Variants in ABRAXAS1 observed in about 807,000 individuals in gnomAD.
ABRAXAS1 encodes BRCA1-A complex subunit Abraxas 1.
In ABRAXAS1, 26 loss-of-function variants were observed where a neutral mutation model predicts 38.4. That is an observed-to-expected ratio of 0.68 (90% CI 0.50 to 0.94). The LOEUF is 0.94. ABRAXAS1 is among the 40% of genes least tolerant of loss of function. The pLI, the probability that ABRAXAS1 is intolerant of heterozygous loss-of-function variation, is 0.00. For synonymous variants in ABRAXAS1, 144 were observed against 165.5 expected, an observed-to-expected ratio of 0.87 and a Z score of 1.00; for missense variants, 438 against 481.9, an observed-to-expected ratio of 0.91 and a Z score of 0.85.
At chr4:83,477,321 G>T (rs1378957993) in intron 2 of ABRAXAS1, among the ~76,000 whole-genome samples, 1 of 152,036 alleles carries the variant, frequency 6.6e-6, no homozygotes, top group South Asian at 2.1e-4. Flanking sequence ...TGCTCTAAGG[G>T]CTTGCTTTTA....
In ABRAXAS1 at chr4:83,461,817, T is replaced by C. The variant is rs1332207161; in HGVS notation, c.*652A>G. 1 of 228,592 alleles carries C rather than the reference T, an allele frequency of 4.4e-6. No homozygotes were observed. Among genetic ancestry groups the C allele is most frequent in the Non-Finnish European group, 8.7e-6 (1 of 115,390 alleles). 14.2% of individuals were successfully genotyped at this position (228,592 alleles called of 1,614,324 possible). On this transcript the variant is annotated 3_prime_UTR_variant, in exon 9 of 9. Transcript: ENST00000321945. ...CTCTAAACTAGGGGAGAGATTACTG[T>C]TTGTGTTGTGTTATAGTTGTGTAAT...
rs929535841 is a variant in ABRAXAS1, at chr4:83,475,329, C to T, written c.215+1314G>A. Among the ~76,000 whole-genome samples, 5 of 152,192 alleles carry T rather than the reference C, an allele frequency of 3.3e-5. No homozygotes were observed. The South Asian group carries it at 6.2e-4, about 19-fold the overall frequency. On this transcript the variant is annotated intron_variant, in intron 3 of 8. Transcript: ENST00000321945. ...GCAGTTTAAAAGACCACACTAAGCT[C>T]CTTTTTTCTGTTCTCCTCCTACAGT...
At chr4:83,476,058 G>T (rs748496673) in intron 3 of ABRAXAS1, among the ~76,000 whole-genome samples, 1 of 152,130 alleles carries the variant, frequency 6.6e-6, no homozygotes, top group Non-Finnish European at 1.5e-5. Context: ...AAAATTAGCT[G>T]GGTGTGGTGG....
chr4:83,479,164 A>C (rs1722889707), intron 2 of ABRAXAS1: 3 of 152,196 alleles, frequency 2.0e-5, no homozygotes, highest in Non-Finnish European at 2.9e-5. Context: ...GCACTTTGGG[A>C]GGCCAGGGCG....
intron 4 of ABRAXAS1, among the ~76,000 whole-genome samples, chr4:83,471,189 A>ATTTTTTTTTTTTT (rs1560575138): frequency 2.4e-5 from 3 of 124,104 alleles, no homozygotes; most frequent in South Asian, 2.4e-4. Flanking sequence ...TGAAAGAAAC[A>ATTTTTTTTTTTTT]TCTTTTTTTT....
At chr4:83,478,003 C>A (rs566688736) in intron 2 of ABRAXAS1, 1 of 963,634 alleles carries the variant, frequency 1.0e-6, no homozygotes, top group Non-Finnish European at 1.7e-6. Flanking sequence ...GCAGCTTCAT[C>A]GATATATACC....
At chr4:83,478,029 G>C (rs1722847129) in intron 2 of ABRAXAS1, 1 of 986,456 alleles carries the variant, frequency 1.0e-6, no homozygotes, top group African/African-American at 1.6e-5. Context: ...GAAGGCACCA[G>C]GGGTCTGTGG....
At chr4:83,469,751 AT>A (rs1158199020) in intron 5 of ABRAXAS1, 2 of 155,282 alleles carry the variant, frequency 1.3e-5, no homozygotes, top group Non-Finnish European at 2.8e-5. Context: ...TTTTAACGTA[AT>A]TCTCATATTC....
chr4:83,483,802 C>G (rs1677375831), intron 1 of ABRAXAS1, among the ~76,000 whole-genome samples: 1 of 152,118 alleles, frequency 6.6e-6, no homozygotes, highest in African/African-American at 2.4e-5. Flanking sequence ...ACAGGGGCCT[C>G]CCTAGCACTC....
chr4:83,462,867 T>C lies in ABRAXAS1; in HGVS notation c.832A>G (p.Ile278Val), dbSNP rs960772904. The change falls in exon 9 of 9, where the codon ATT becomes GTT. Residue 278 changes from isoleucine to valine, a missense_variant. This residue lies in a region of ABRAXAS1 where 184 missense variants were observed against 181.9 expected (regional missense o/e 1.01). Transcript: ENST00000321945. Reference sequence around the variant, plus strand: ...GTCCGTAATGCCTGACAAAGAAAAATGTTCTCCTGAGGGTCTTTTTGGATG... The same window carrying C: ...GTCCGTAATGCCTGACAAAGAAAAACGTTCTCCTGAGGGTCTTTTTGGATG... ...KNIQKDPQEN[I>V]FLCQALRTFF... is the part of the protein sequence containing the mutation. 6 of 1,599,684 alleles carry C rather than the reference T, an allele frequency of 3.8e-6. No individual in the cohort carries two copies. In the African/African-American group the frequency reaches 6.7e-5, roughly 18 times the overall value.
intron 1 of ABRAXAS1, among the ~76,000 whole-genome samples, chr4:83,482,678 AGAGT>A (rs574410696): frequency 1.5e-3 from 231 of 152,350 alleles, no homozygotes; most frequent in South Asian, 8.3e-3. Flanking sequence ...CCCAGGCGAT[AGAGT>A]GAGACTCTGC....
At chr4:83,467,901 C>T (rs1171451195) in intron 6 of ABRAXAS1, among the ~76,000 whole-genome samples, 2 of 152,076 alleles carry the variant, frequency 1.3e-5, no homozygotes, top group Non-Finnish European at 2.9e-5. Context: ...TTCAAGTTAC[C>T]TTTACTTGAA....
chr4:83,476,622 C>T (rs1025904161), intron 3 of ABRAXAS1, 21 bp downstream of exon 3: 1 of 1,502,292 alleles, frequency 6.7e-7, no homozygotes. Context: ...GGATCATTTA[C>T]TTACTAGCAC....
Position 83,470,319 on chromosome 4 carries a change from G to A in ABRAXAS1, c.360C>T (p.Asn120=), listed in dbSNP as rs759499928. Reference sequence around the variant, plus strand: ...CTTGGTTTGAAAAATGCTCCTGCAAGTTTTTGTGAAGCAGCCTCTCTCTAA... The same window carrying A: ...CTTGGTTTGAAAAATGCTCCTGCAAATTTTTGTGAAGCAGCCTCTCTCTAA... The part of the protein sequence containing the change: ...MTFRERLLHK[N]LQEHFSNQDL... The change falls in exon 5 of 9, where the codon AAC becomes AAT. Residue 120 remains asparagine, a synonymous_variant. Coordinates refer to ENST00000321945, the MANE Select transcript of ABRAXAS1 (RefSeq NM_139076.3). 4 of 1,613,754 alleles carry A rather than the reference G, an allele frequency of 2.5e-6. No individual in the cohort carries two copies. The highest frequency in any genetic ancestry group is 2.2e-5 in the South Asian group (2 of 91,080).
intron 4 of ABRAXAS1, among the ~76,000 whole-genome samples, chr4:83,471,226 G>A (rs1420827840): frequency 2.9e-5 from 2 of 69,052 alleles, no homozygotes; most frequent in African/African-American, 5.8e-5. Context: ...TTTTTTTTGA[G>A]ACAGTCTGGC....
chr4:83,481,148 G>T (rs1722989583), intron 2 of ABRAXAS1, among the ~76,000 whole-genome samples: 1 of 151,250 alleles, frequency 6.6e-6, no homozygotes, highest in Non-Finnish European at 1.5e-5. Context: ...AAAAAGAAAA[G>T]AAATGAAAAA....
intron 5 of ABRAXAS1, 89 bp downstream of exon 5, chr4:83,470,114 T>C (rs1722523975): frequency 3.1e-6 from 3 of 954,822 alleles, no homozygotes; most frequent in Non-Finnish European, 4.6e-6. Flanking sequence ...CGACAATATA[T>C]GAGAACACTT....
chr4:83,471,248 G>A (rs2110040671), intron 4 of ABRAXAS1, among the ~76,000 whole-genome samples: 1 of 127,916 alleles, frequency 7.8e-6, no homozygotes, highest in Admixed American at 9.7e-5. Flanking sequence ...CTGTTGCCCA[G>A]GCTGGAGTGC....
At chr4:83,467,606 T>C (rs550657347) in intron 6 of ABRAXAS1, 68 bp from the exon 7 acceptor site, 14 of 785,108 alleles carry the variant, frequency 1.8e-5, no homozygotes, top group South Asian at 4.4e-5. Flanking sequence ...GAAAAACTTA[T>C]TCATTGTCAA....
Sources: gnomAD v4.1 joint callset for allele counts (sites outside exome capture counted in the v4.1 genomes callset) on GRCh38, gnomAD v4.1.1 for gene constraint, gnomAD v4.1.1 regional missense constraint, MANE v1.5 for transcripts, NCBI Gene and HGNC (gene_info 2026-07-23, HGNC 2026-07-21) for gene names.